Variants in JAKMIP1 observed in about 807,000 individuals in gnomAD.
JAKMIP1 encodes janus kinase and microtubule interacting protein 1.
JAKMIP1 carries 33 observed loss-of-function variants against 113.0 expected under a neutral mutation model. The ratio of observed to expected loss-of-function variants is 0.29; its 90% confidence interval spans 0.22 to 0.39. The LOEUF (loss-of-function observed/expected upper bound fraction) is 0.39, where lower values mean the gene tolerates loss of function less well. Among genes scored for constraint, JAKMIP1 ranks in the 10% least tolerant of loss-of-function variants. The pLI is 1.00. For synonymous variants in JAKMIP1, 480 were observed against 459.9 expected (o/e 1.04, Z -0.56); for missense variants, 813 against 1,080.5 (o/e 0.75, Z 3.47).
chr4:6,110,348 C>T (rs545144803), intron 2 of JAKMIP1, among the ~76,000 whole-genome samples: 1 of 152,098 alleles, frequency 6.6e-6, no homozygotes, highest in South Asian at 2.1e-4. Context: ...CAGAAGGAGC[C>T]AATCCTGACA....
At chr4:6,068,569 T>TC (rs1376068994) in intron 8 of JAKMIP1, among the ~76,000 whole-genome samples, 2 of 150,970 alleles carry the variant, frequency 1.3e-5, no homozygotes, top group African/African-American at 4.9e-5. Flanking sequence ...TTTTTTTTTT[T>TC]TTTTTTGAGA....
At chr4:6,100,271 A>G (rs1712783740) in intron 3 of JAKMIP1, among the ~76,000 whole-genome samples, 1 of 152,198 alleles carries the variant, frequency 6.6e-6, no homozygotes, top group South Asian at 2.1e-4. Context: ...GTCAGCCACT[A>G]TAGATTTGGA....
At position 6,112,772 on chromosome 4, in the gene JAKMIP1, G is replaced by A. The variant is rs773585603; in HGVS notation, c.79C>T (p.Arg27Trp). ...ATCTGAATGCTGGTCAGCTTGGCCC[G>A]CAGCTCCTCGTTGGCCATCTGCACC... ...DAVQMANEEL[R>W]AKLTSIQIEF... Residue 27 changes from arginine to tryptophan, a missense_variant, in exon 2 of 21, where the codon CGG becomes TGG. Physicochemically the swap from Arg to Trp is moderately radical, Grantham distance 101 (BLOSUM62 -3). Coordinates refer to ENST00000409021, the MANE Select transcript of JAKMIP1 (RefSeq NM_001099433.2). The A allele has an allele frequency of 1.5e-5, 25 of 1,614,058 alleles. No homozygotes were observed. Among genetic ancestry groups the A allele is most frequent in the Non-Finnish European group, 2.1e-5 (25 of 1,180,020 alleles).
At position 6,050,098 on chromosome 4, in the gene JAKMIP1, A is replaced by T. The variant is rs978695673; in HGVS notation, c.1909-226T>A. Among the ~76,000 whole-genome samples, 1 of 152,242 alleles carries T rather than the reference A, an allele frequency of 6.6e-6. No homozygotes were observed. Among genetic ancestry groups the T allele is most frequent in the Non-Finnish European group, 1.5e-5 (1 of 68,038 alleles). Reference sequence around the variant, plus strand: ...ACAAACACTGCTTTCTAGAAAGGCCATGGAAGCGGGTGAGTCAGGACGCTG... The same window carrying T: ...ACAAACACTGCTTTCTAGAAAGGCCTTGGAAGCGGGTGAGTCAGGACGCTG... On this transcript the variant is annotated intron_variant, in intron 14 of 20. Coordinates refer to ENST00000409021, the MANE Select transcript of JAKMIP1 (RefSeq NM_001099433.2). The surrounding 1 kb of genome is among the most constrained non-coding windows in gnomAD (Gnocchi z 7.4).
chr4:6,144,117 G>GT (rs1720521523), intron 1 of JAKMIP1, among the ~76,000 whole-genome samples: 1 of 152,106 alleles, frequency 6.6e-6, no homozygotes, highest in African/African-American at 2.4e-5. Flanking sequence ...CATCCTGTAT[G>GT]TTAAAAAAAA....
chr4:6,182,983 C>T (rs1187461232), intron 1 of JAKMIP1, among the ~76,000 whole-genome samples: 1 of 152,194 alleles, frequency 6.6e-6, no homozygotes, highest in Non-Finnish European at 1.5e-5. Context: ...CCAAGGCAGC[C>T]CTTCCTCCCG....
intron 3 of JAKMIP1, among the ~76,000 whole-genome samples, chr4:6,100,016 T>A (rs145667848): frequency 1.3e-5 from 2 of 152,346 alleles, no homozygotes; most frequent in East Asian, 3.9e-4. Context: ...TTCTTCCTCT[T>A]ATAAATATGC....
In JAKMIP1 at chr4:6,089,307, T is replaced by C. The variant is rs1721712876; in HGVS notation, c.625-3678A>G. Among the ~76,000 whole-genome samples the C allele has an allele frequency of 6.6e-6, 1 of 152,180 alleles. No individual in the cohort carries two copies. Among genetic ancestry groups the C allele is most frequent in the African/African-American group, 2.4e-5 (1 of 41,442 alleles). ...ACAGACACCCATGGCCTAAGCTGGTTTGATGGAATTTCTGTCACTTGCGAC... is the reference window on the plus strand; with the variant it reads ...ACAGACACCCATGGCCTAAGCTGGTCTGATGGAATTTCTGTCACTTGCGAC... On this transcript the variant is annotated intron_variant, in intron 3 of 20. Coordinates refer to ENST00000409021, the MANE Select transcript of JAKMIP1 (RefSeq NM_001099433.2). This position sits in a 1 kb window ranked among gnomAD's most constrained non-coding sequence, Gnocchi z 5.3.
chr4:6,166,364 G>C (rs1410295320), intron 1 of JAKMIP1, among the ~76,000 whole-genome samples: 4 of 152,312 alleles, frequency 2.6e-5, no homozygotes, highest in Non-Finnish European at 2.9e-5. Flanking sequence ...GACTGGCCCA[G>C]GTCGGGAGTG....
chr4:6,085,741 G>C (rs1721193994), intron 3 of JAKMIP1, 112 bp from the exon 4 acceptor site: 2 of 912,850 alleles, frequency 2.2e-6, no homozygotes, highest in Non-Finnish European at 3.4e-6. Context: ...TCTCGGGCCT[G>C]GGTCAACTGA....
At chr4:6,177,504 G>T (rs1026529322) in intron 1 of JAKMIP1, among the ~76,000 whole-genome samples, 19 of 152,086 alleles carry the variant, frequency 1.2e-4, no homozygotes, top group Non-Finnish European at 2.1e-4. Flanking sequence ...TCCTGGGAAG[G>T]GTGTAAGAGA....
intron 20 of JAKMIP1, among the ~76,000 whole-genome samples, chr4:6,027,918 G>C (rs1578021422): frequency 1.3e-5 from 2 of 152,304 alleles, no homozygotes; most frequent in South Asian, 4.1e-4. Flanking sequence ...AACACAAGTG[G>C]TAGAGCTACC....
At position 6,050,675 on chromosome 4, in the gene JAKMIP1, C is replaced by G; in HGVS notation, c.1811G>C (p.Arg604Thr). The G allele has an allele frequency of 1.3e-6, 2 of 1,558,028 alleles. No homozygotes were observed. The highest frequency in any genetic ancestry group is 1.7e-6 in the Non-Finnish European group (2 of 1,149,844). Residue 604 changes from arginine (R) to threonine (T), a missense_variant, in exon 14 of 21, where the codon AGA becomes ACA. Physicochemically the swap from Arg to Thr is moderately conservative, Grantham distance 71 (BLOSUM62 -1). Around this residue, in one of 2 missense-constraint regions of JAKMIP1, gnomAD observed 273 missense variants for 426.6 expected, o/e 0.64. Transcript: ENST00000409021. This position sits in a 1 kb window ranked among gnomAD's most constrained non-coding sequence, Gnocchi z 7.4. ...LEFRVLELEERERRSPAFNLQ... is the reference protein window; with the variant it reads ...LEFRVLELEETERRSPAFNLQ... The stretch of plus-strand genomic sequence containing the variant: ...GTTAAATGCTGGCGACCTCCTCTCT[C>G]TCTCCTGGGGAAAAGATTCGGTTTA...
intron 1 of JAKMIP1, among the ~76,000 whole-genome samples, chr4:6,113,681 C>A (rs1560208598): frequency 6.6e-6 from 1 of 152,224 alleles, no homozygotes. Flanking sequence ...TGAGCCAGGA[C>A]TGAGCCTAAT....
intron 12 of JAKMIP1, 122 bp downstream of exon 12, chr4:6,056,575 A>C (rs1716499302): frequency 1.4e-6 from 1 of 734,082 alleles, no homozygotes; most frequent in Non-Finnish European, 2.5e-6. Flanking sequence ...GGTGTGCAGG[A>C]CCCGAGGCCC....
Position 6,040,817 on chromosome 4 carries a change from G to C in JAKMIP1, c.2098-101C>G. 2.3e-6 allele frequency: 2 copies of C among 871,616 alleles called. No homozygotes were observed. The highest frequency in any genetic ancestry group is 3.7e-6 in the Non-Finnish European group (2 of 534,094). 54.0% of individuals were successfully genotyped at this position (871,616 alleles called of 1,614,324 possible). A position where few individuals can be genotyped will look rare whatever the true frequency, so the allele number is the denominator to read the frequency against. On this transcript the variant is annotated intron_variant, in intron 17 of 20. Coordinates refer to ENST00000409021, the MANE Select transcript of JAKMIP1 (RefSeq NM_001099433.2). The surrounding 1 kb of genome is among the most constrained non-coding windows in gnomAD (Gnocchi z 5.8). ...GAGAGTGGCAGTCTCACCGAATTGG[G>C]GGCACTCAGATGAGAAGGGACTTGG... is the stretch of plus-strand genomic sequence containing the variant.
chr4:6,050,522 G>A lies in JAKMIP1; in HGVS notation c.1908+56C>T, dbSNP rs571522990. 7.2e-4 allele frequency: 878 copies of A among 1,225,526 alleles called. No homozygotes were observed. Among genetic ancestry groups the A allele is most frequent in the Non-Finnish European group, 9.3e-4 (796 of 854,500 alleles). The allele number at this position is 1,225,526 out of a possible 1,614,324, so 75.9% of individuals were successfully genotyped here. ...GCACTCCCCCTTTGCAGCTGAGCCG[G>A]GCACTGAGCGAGCCCTTGGCTGGCA... is the stretch of plus-strand genomic sequence containing the variant. On this transcript the variant is annotated intron_variant, in intron 14 of 20. Coordinates refer to ENST00000409021, the MANE Select transcript of JAKMIP1 (RefSeq NM_001099433.2). This position sits in a 1 kb window ranked among gnomAD's most constrained non-coding sequence, Gnocchi z 7.4.
In JAKMIP1 at chr4:6,040,567, G is replaced by T; in HGVS notation, c.2175+72C>A. On this transcript the variant is annotated intron_variant, in intron 18 of 20. Coordinates refer to ENST00000409021, the MANE Select transcript of JAKMIP1 (RefSeq NM_001099433.2). The surrounding 1 kb of genome is among the most constrained non-coding windows in gnomAD (Gnocchi z 5.8). ...GGGGAGCGCCCTAAATGCAGTTTCA[G>T]CCCCAGAGGAAAAAGCAGCCTCTAA... The T allele has an allele frequency of 9.1e-7, 1 of 1,097,464 alleles. No individual in the cohort carries two copies. Among genetic ancestry groups the T allele is most frequent in the Non-Finnish European group, 1.4e-6 (1 of 721,990 alleles). The allele number at this position is 1,097,464 out of a possible 1,614,324, so 68.0% of individuals were successfully genotyped here. A position where few individuals can be genotyped will look rare whatever the true frequency, so the allele number is the denominator to read the frequency against.
chr4:6,133,702 T>G (rs187154769), intron 1 of JAKMIP1, among the ~76,000 whole-genome samples: 168 of 152,364 alleles, frequency 1.1e-3, no homozygotes, highest in African/African-American at 3.8e-3. Flanking sequence ...CTCCTGGCCT[T>G]GGCACCCCAG....
Sources: allele counts gnomAD v4.1 joint callset (sites outside exome capture counted in the v4.1 genomes callset), GRCh38; gene constraint gnomAD v4.1.1; regional missense constraint gnomAD v4.1.1; non-coding constraint Gnocchi (gnomAD v3.1); transcripts MANE v1.5; gene names NCBI Gene and HGNC (gene_info 2026-07-23, HGNC 2026-07-21).